Variants in MAP3K15 observed in about 807,000 individuals in gnomAD.
The protein encoded by MAP3K15 is mitogen-activated protein kinase kinase kinase 15, also known as MAPK/ERK kinase kinase 15.
MAP3K15 carries 124 observed loss-of-function variants against 99.5 expected under a neutral mutation model. The ratio of observed to expected loss-of-function variants is 1.25; its 90% CI spans 1.08 to 1.45. The LOEUF is 1.45. MAP3K15 is among the 40% of genes most tolerant of loss of function. The probability of loss-of-function intolerance (pLI) is 0.00; values close to 1 mark genes in which losing one functional copy is unlikely to be tolerated. For missense variants in MAP3K15, 1,242 were observed against 1,079.7 expected (o/e 1.15, Z -2.11); for synonymous variants, 494 against 439.6 (o/e 1.12, Z -1.55).
intron 1 of MAP3K15, among the ~76,000 whole-genome samples, chrX:19,505,115 A>G (rs984730981): frequency 5.4e-5 from 6 of 110,890 alleles, no homozygotes; most frequent in Non-Finnish European, 7.5e-5. Flanking sequence ...TGATGAAACC[A>G]TGAAGGAAGA....
chrX:19,420,010 T>C (rs2063769531), intron 9 of MAP3K15, among the ~76,000 whole-genome samples: 1 of 111,635 alleles, frequency 9.0e-6, no homozygotes, highest in Non-Finnish European at 1.9e-5. Context: ...AGACACAACA[T>C]ACCAGAATCT....
At chrX:19,368,554 A>G (rs1978341419) in intron 25 of MAP3K15, among the ~76,000 whole-genome samples, 1 of 112,769 alleles carries the variant, frequency 8.9e-6, no homozygotes, top group Non-Finnish European at 1.9e-5. Flanking sequence ...CTAGTCCACT[A>G]ATGCCCGTCT....
intron 9 of MAP3K15, among the ~76,000 whole-genome samples, chrX:19,418,870 TG>T (rs1259192488): frequency 2.7e-5 from 3 of 111,156 alleles, no homozygotes; most frequent in Non-Finnish European, 5.7e-5. Flanking sequence ...CAGAAGAGAG[TG>T]GGGGCCAATA....
intron 16 of MAP3K15, among the ~76,000 whole-genome samples, chrX:19,393,692 C>A (rs2063543579): frequency 1.9e-5 from 2 of 106,154 alleles, no homozygotes; most frequent in South Asian, 8.2e-4. Context: ...CTATGACCAA[C>A]TTAAGGGAAA....
chrX:19,373,505 C>A, intron 21 of MAP3K15, 31 bp downstream of exon 21: 1 of 1,162,639 alleles, frequency 8.6e-7, no homozygotes, highest in Admixed American at 2.6e-5. Flanking sequence ...CCCTTTCGGG[C>A]CCGCGGCAGA....
At chrX:19,460,757 TTTTG>T (rs1180139235) in intron 4 of MAP3K15, among the ~76,000 whole-genome samples, 14 of 109,100 alleles carry the variant, frequency 1.3e-4, no homozygotes, top group Non-Finnish European at 1.9e-4. Flanking sequence ...TTTTTTGTTT[TTTTG>T]TTTTTTTTTT....
At chrX:19,400,776 A>G (rs2063602530) in intron 13 of MAP3K15, 113 bp from the exon 14 acceptor site, 1 of 492,247 alleles carries the variant, frequency 2.0e-6, no homozygotes. Context: ...TTTACAAGTC[A>G]TGGAACAATC....
At chrX:19,404,494 A>G (rs1772513110) in intron 13 of MAP3K15, among the ~76,000 whole-genome samples, 1 of 112,126 alleles carries the variant, frequency 8.9e-6, no homozygotes, top group Non-Finnish European at 1.9e-5. Flanking sequence ...AGAAATTGAT[A>G]AGCTGATCCT....
intron 5 of MAP3K15, among the ~76,000 whole-genome samples, chrX:19,457,234 C>T (rs1410529302): frequency 2.7e-5 from 3 of 111,839 alleles, no homozygotes; most frequent in Non-Finnish European, 5.6e-5. Flanking sequence ...GGAATCCCTG[C>T]TATCAAAGGG....
At chrX:19,470,540 T>A (rs1225039206) in intron 3 of MAP3K15, among the ~76,000 whole-genome samples, 1 of 36,575 alleles carries the variant, frequency 2.7e-5, no homozygotes, top group Non-Finnish European at 7.4e-5. Context: ...ACCCTAAAAC[T>A]TAAATTAAAA....
At chrX:19,391,674 C>CAAAAAAAAAAAAAA (rs759061873) in intron 18 of MAP3K15, among the ~76,000 whole-genome samples, 1 of 28,531 alleles carries the variant, frequency 3.5e-5, no homozygotes, top group African/African-American at 1.1e-4. Flanking sequence ...GACCCCGTCT[C>CAAAAAAAAAAAAAA]AAAAAAAAAA....
At chrX:19,416,628 T>C (rs1382756584) in intron 9 of MAP3K15, among the ~76,000 whole-genome samples, 2 of 112,251 alleles carry the variant, frequency 1.8e-5, no homozygotes, top group African/African-American at 6.5e-5. Context: ...CAGTTACGGC[T>C]GCTGCCATTT....
Position 19,369,154 on chromosome X carries a change from C to G in MAP3K15, c.3466G>C (p.Glu1156Gln). ...CCGGTGGCTGGGGGATAGCCCTCTT[C>G]CGCTTCATCCATGTCCTTATCTACC... Reference protein sequence around the residue: ...EGVDKDMDEAEEGYPPATGPG... With the variant: ...EGVDKDMDEAQEGYPPATGPG... The change falls in exon 25 of 29, where the codon GAA (glutamate) becomes CAA (glutamine). Residue 1156 changes from glutamate (E) to glutamine (Q), a missense_variant. Physicochemically the swap from Glu to Gln is conservative, Grantham distance 29. Transcript: ENST00000338883. 1 of 1,209,339 alleles carries G rather than the reference C, an allele frequency of 8.3e-7. No individual in the cohort carries two copies. Among genetic ancestry groups the G allele is most frequent in the Non-Finnish European group, 1.1e-6 (1 of 895,052 alleles).
intron 3 of MAP3K15, 77 bp downstream of exon 3, chrX:19,486,405 A>AT: frequency 2.2e-6 from 1 of 445,997 alleles, no homozygotes; most frequent in East Asian, 4.7e-5. Flanking sequence ...TACCTGGGCG[A>AT]TTTTCAGGCA....
intron 14 of MAP3K15, among the ~76,000 whole-genome samples, chrX:19,398,704 C>T (rs750369649): frequency 7.5e-4 from 84 of 112,204 alleles, no homozygotes; most frequent in African/African-American, 2.7e-3. Flanking sequence ...AGGTGTCTTC[C>T]TGCATAATCC....
rs2064498907 is a variant in MAP3K15 at position 19,508,923 on chromosome X, A to C, written c.361+5978T>G. On this transcript the variant is annotated intron_variant, in intron 1 of 28. Coordinates refer to ENST00000338883, the MANE Select transcript of MAP3K15 (RefSeq NM_001001671.4). ...ATATATGTACAAAAATTTAAAAATA[A>C]ATATTTAAAAATAATTTAGAAAACA... Among the ~76,000 whole-genome samples the C allele has an allele frequency of 6.3e-5, 7 of 111,883 alleles. No homozygotes were observed. In the Admixed American group the frequency reaches 6.7e-4, roughly 11 times the overall value.
At chrX:19,445,444 A>G (rs1285142873) in intron 6 of MAP3K15, among the ~76,000 whole-genome samples, 5 of 108,029 alleles carry the variant, frequency 4.6e-5, no homozygotes, top group Admixed American at 4.0e-4. Context: ...TAGAAAAATT[A>G]GCCAGTGTGG....
chrX:19,473,572 C>G (rs1432777223), intron 3 of MAP3K15, among the ~76,000 whole-genome samples: 3 of 112,087 alleles, frequency 2.7e-5, no homozygotes, highest in Non-Finnish European at 5.6e-5. Context: ...AGTATGCTAA[C>G]CACATTAAAA....
At chrX:19,439,770 A>G (rs760840581) in intron 6 of MAP3K15, among the ~76,000 whole-genome samples, 14 of 112,285 alleles carry the variant, frequency 1.2e-4, no homozygotes, top group Non-Finnish European at 2.4e-4. Flanking sequence ...TGCCCGGCCT[A>G]TGGTATGTAA....
Sources: allele counts gnomAD v4.1 joint callset (sites outside exome capture counted in the v4.1 genomes callset), GRCh38; gene constraint gnomAD v4.1.1; transcripts MANE v1.5; gene names NCBI Gene and HGNC (gene_info 2026-07-23, HGNC 2026-07-21).